DNMT3A: variants seen among roughly 807,000 people sequenced by gnomAD.
DNMT3A encodes DNA methyltransferase 3 alpha.
In DNMT3A, 267 loss-of-function variants were observed where a neutral mutation model predicts 117.6. That is an observed-to-expected ratio of 2.27 (90% CI 2.05 to 2.51). The LOEUF (loss-of-function observed/expected upper bound fraction) is 2.51, where lower values mean the gene tolerates loss of function less well. Ranked by LOEUF, DNMT3A falls within the 30% of genes most tolerant of loss-of-function variation. The pLI is 0.00. For missense variants in DNMT3A, 1,029 were observed against 1,260.2 expected, an observed-to-expected ratio of 0.82 and a Z score of 2.78; for synonymous variants, 432 against 474.8, an observed-to-expected ratio of 0.91 and a Z score of 1.17.
chr2:25,340,363 G>A (rs1279011331), intron 1 of DNMT3A, among the ~76,000 whole-genome samples: 6 of 152,212 alleles, frequency 3.9e-5, no homozygotes, highest in South Asian at 2.1e-4. Context: ...AAATGGCAGA[G>A]GGGCGCTGGG....
Position 25,323,461 on chromosome 2 carries a change from G to A in DNMT3A, c.-177-9300C>T, listed in dbSNP as rs1573496664. On this transcript the variant is annotated intron_variant, in intron 1 of 22. Coordinates refer to ENST00000321117, the MANE Select transcript of DNMT3A (RefSeq NM_022552.5). The stretch of plus-strand genomic sequence containing the variant: ...CAGGGCTCCCTGGGAGGCCAACTGC[G>A]GGGTTTCCAACACTGGCCTTATTTC... Among the ~76,000 whole-genome samples the A allele has an allele frequency of 2.6e-5, 4 of 152,162 alleles. No homozygotes were observed. The South Asian group carries it at 8.3e-4, about 32-fold the overall frequency.
intron 3 of DNMT3A, among the ~76,000 whole-genome samples, chr2:25,292,062 C>G (rs978106199): frequency 1.3e-5 from 2 of 152,112 alleles, no homozygotes; most frequent in Admixed American, 1.3e-4. Flanking sequence ...CGAGACCAGC[C>G]TGGCCAACAT....
chr2:25,240,398 C>G lies in DNMT3A; in HGVS notation c.2226G>C (p.Arg742=). ...FEFYRLLHDA[R]PKEGDDRPFF... The stretch of plus-strand genomic sequence containing the variant: ...AGGGGCGATCATCTCCCTCCTTGGG[C>G]CGCGCATCATGCAGGAGGCGGTAGA... Residue 742 remains arginine, a synonymous_variant, in exon 19 of 23, where the codon CGG becomes CGC. Transcript: ENST00000321117. 6.2e-7 allele frequency: 1 copy of G among 1,613,840 alleles called. No individual in the cohort carries two copies.
At chr2:25,300,745 ATAT>A in intron 2 of DNMT3A, among the ~76,000 whole-genome samples, 1 of 50,792 alleles carries the variant, frequency 2.0e-5, no homozygotes, top group South Asian at 6.4e-4. Flanking sequence ...ATATATATAT[ATAT>A]ATATATATAT....
intron 1 of DNMT3A, among the ~76,000 whole-genome samples, chr2:25,316,360 C>T (rs1402161702): frequency 6.6e-6 from 1 of 152,218 alleles, no homozygotes; most frequent in East Asian, 1.9e-4. Context: ...TTCCTCCTCC[C>T]CTTCCTCCAC....
Position 25,300,734 on chromosome 2 carries a change from T to C in DNMT3A, c.73-491A>G, listed in dbSNP as rs1295755857. On this transcript the variant is annotated intron_variant, in intron 2 of 22. Coordinates refer to ENST00000321117, the MANE Select transcript of DNMT3A (RefSeq NM_022552.5). ...TATAATATATATATATATATATATA[T>C]ATATATATATATATATATATATATA... is the stretch of plus-strand genomic sequence containing the variant. Among the ~76,000 whole-genome samples, 142 of 36,652 alleles carry C rather than the reference T, an allele frequency of 3.9e-3. 3 individuals carry two copies. Among genetic ancestry groups the C allele is most frequent in the Non-Finnish European group, 5.5e-3 (112 of 20,226 alleles). 24.0% of individuals were successfully genotyped at this position (36,652 alleles called of 152,430 possible). A position where few individuals can be genotyped will look rare whatever the true frequency, so the allele number is the denominator to read the frequency against.
chr2:25,303,698 G>A (rs185996724), intron 2 of DNMT3A, among the ~76,000 whole-genome samples: 3 of 152,374 alleles, frequency 2.0e-5, no homozygotes, highest in Admixed American at 2.0e-4. Flanking sequence ...TTGGCCCTAA[G>A]AGCAGCGTTG....
In DNMT3A at chr2:25,304,447, C is replaced by T. The variant is rs1449719524; in HGVS notation, c.73-4204G>A. Among the ~76,000 whole-genome samples the T allele has an allele frequency of 6.6e-6, 1 of 152,228 alleles. No individual in the cohort carries two copies. The highest frequency in any genetic ancestry group is 2.4e-5 in the African/African-American group (1 of 41,448). The stretch of plus-strand genomic sequence containing the variant: ...TCACTCCCACTCCATCCTCCCCATC[C>T]CCCTCTCCCTGCCTCGTGCAAATCC... On this transcript the variant is annotated intron_variant, in intron 2 of 22. Coordinates refer to ENST00000321117, the MANE Select transcript of DNMT3A (RefSeq NM_022552.5). The surrounding 1 kb of genome is among the most constrained non-coding windows in gnomAD (Gnocchi z 4.3).
rs1674951010 is a variant in DNMT3A at position 25,247,480 on chromosome 2, G to A, written c.1014+111C>T. The A allele has an allele frequency of 8.1e-6, 12 of 1,483,670 alleles. No homozygotes were observed. The highest frequency in any genetic ancestry group is 1.1e-5 in the Non-Finnish European group (12 of 1,092,584). 91.9% of individuals were successfully genotyped at this position (1,483,670 alleles called of 1,614,324 possible). A position where few individuals can be genotyped will look rare whatever the true frequency, so the allele number is the denominator to read the frequency against. ...CCCACCACAGGCAGAGTAGGGGTGA[G>A]CAGAACCCACTTCCATCACCCCAAT... On this transcript the variant is annotated intron_variant, in intron 8 of 22. Coordinates refer to ENST00000321117, the MANE Select transcript of DNMT3A (RefSeq NM_022552.5). This position sits in a 1 kb window ranked among gnomAD's most constrained non-coding sequence, Gnocchi z 5.6.
chr2:25,239,045 G>C, intron 20 of DNMT3A, 85 bp downstream of exon 20: 6 of 1,203,964 alleles, frequency 5.0e-6, no homozygotes, highest in Non-Finnish European at 7.1e-6. Flanking sequence ...GCCAGAGAGG[G>C]CCCGGCTCAG....
intron 1 of DNMT3A, among the ~76,000 whole-genome samples, chr2:25,329,119 C>T (rs1043999967): frequency 6.6e-6 from 1 of 152,200 alleles, no homozygotes; most frequent in East Asian, 1.9e-4. Flanking sequence ...TCCCACAGGG[C>T]CGCCTTTCTC....
intron 2 of DNMT3A, among the ~76,000 whole-genome samples, chr2:25,309,150 C>G (rs552287984): frequency 6.6e-6 from 1 of 152,338 alleles, no homozygotes; most frequent in South Asian, 2.1e-4. Context: ...ATGGCTTACC[C>G]ACCTCGATGT....
rs1254189805 is a variant in DNMT3A, at chr2:25,245,337, A to G, written c.1475-5T>C. The G allele has an allele frequency of 6.2e-7, 1 of 1,613,650 alleles. No individual in the cohort carries two copies. The highest frequency in any genetic ancestry group is 8.5e-7 in the Non-Finnish European group (1 of 1,179,850). ...TCCCACAGGAGATGCAGATGTCTGG[A>G]AAGCAGAGGGAGGGGATGGGGTGAG... On this transcript the variant is annotated splice_polypyrimidine_tract_variant and splice_region_variant and intron_variant, in intron 12 of 22. Coordinates refer to ENST00000321117, the MANE Select transcript of DNMT3A (RefSeq NM_022552.5).
Position 25,298,944 on chromosome 2 carries a change from C to G in DNMT3A, c.177+1195G>C, listed in dbSNP as rs1181003030. 6.6e-6 allele frequency among the ~76,000 whole-genome samples: 1 copy of G among 151,272 alleles called. No homozygotes were observed. The highest frequency in any genetic ancestry group is 1.5e-5 in the Non-Finnish European group (1 of 67,758). On this transcript the variant is annotated intron_variant, in intron 3 of 22. Coordinates refer to ENST00000321117, the MANE Select transcript of DNMT3A (RefSeq NM_022552.5). This position sits in a 1 kb window ranked among gnomAD's most constrained non-coding sequence, Gnocchi z 4.3. Reference sequence around the variant, plus strand: ...CACCTCCAGGAACTCACCACCCCCCCCGCCTCTACTGTCCCATTTCACTTC... The same window carrying G: ...CACCTCCAGGAACTCACCACCCCCCGCGCCTCTACTGTCCCATTTCACTTC...
intron 1 of DNMT3A, among the ~76,000 whole-genome samples, chr2:25,340,844 T>C (rs1265554212): frequency 1.7e-5 from 2 of 114,602 alleles, no homozygotes; most frequent in East Asian, 6.3e-4. Context: ...CACCCCCGCG[T>C]TTTCCGGCCC....
intron 6 of DNMT3A, among the ~76,000 whole-genome samples, chr2:25,265,607 C>T (rs1432789088): frequency 6.6e-6 from 1 of 152,164 alleles, no homozygotes; most frequent in East Asian, 1.9e-4. Flanking sequence ...CACCTGAGGT[C>T]AGGAGTTCAA....
chr2:25,336,545 G>A (rs1157211132), intron 1 of DNMT3A, among the ~76,000 whole-genome samples: 1 of 152,114 alleles, frequency 6.6e-6, no homozygotes, highest in Non-Finnish European at 1.5e-5. Flanking sequence ...CTCCAAGTCT[G>A]AGCTCTTAAG....
rs556546494 is a variant in DNMT3A, at chr2:25,252,103, C to G, written c.640-3851G>C. On this transcript the variant is annotated intron_variant, in intron 6 of 22. Coordinates refer to ENST00000321117, the MANE Select transcript of DNMT3A (RefSeq NM_022552.5). The surrounding 1 kb of genome is among the most constrained non-coding windows in gnomAD (Gnocchi z 5.5). ...GCGGGCCGGGGAGGCATACTTCACT[C>G]TTTTCAAACCCGGAGGGCTGCGGAG... 1.3e-6 allele frequency: 2 copies of G among 1,508,744 alleles called. No individual in the cohort carries two copies. Among genetic ancestry groups the G allele is most frequent in the Non-Finnish European group, 1.8e-6 (2 of 1,119,494 alleles). 93.5% of individuals were successfully genotyped at this position (1,508,744 alleles called of 1,614,324 possible).
intron 1 of DNMT3A, among the ~76,000 whole-genome samples, chr2:25,332,208 T>C (rs1277306760): frequency 6.6e-6 from 1 of 152,192 alleles, no homozygotes; most frequent in Admixed American, 6.5e-5. Flanking sequence ...CATCCCGCCT[T>C]CCATGTCCCC....
Sources: gnomAD v4.1 joint callset for allele counts (sites outside exome capture counted in the v4.1 genomes callset) on GRCh38, gnomAD v4.1.1 for gene constraint, Gnocchi (gnomAD v3.1) non-coding constraint, MANE v1.5 for transcripts, NCBI Gene and HGNC (gene_info 2026-07-23, HGNC 2026-07-21) for gene names.